DPF3: variants seen among roughly 807,000 people sequenced by gnomAD.
DPF3 encodes double PHD fingers 3.
Under a neutral mutation model 56.8 loss-of-function variants are expected in DPF3, and 18 were observed. The observed-to-expected ratio is 0.32, with a 90% CI of 0.22 to 0.47. The LOEUF (loss-of-function observed/expected upper bound fraction) is 0.47, where lower values mean the gene tolerates loss of function less well. Among genes scored for constraint, DPF3 ranks in the 20% least tolerant of loss-of-function variants. The pLI is 1.00. For synonymous variants in DPF3, 188 were observed against 180.2 expected (o/e 1.04, Z -0.35); for missense variants, 403 against 488.8 (o/e 0.82, Z 1.65).
chr14:72,716,976 T>A (rs544766430), intron 5 of DPF3, among the ~76,000 whole-genome samples: 1 of 151,998 alleles, frequency 6.6e-6, no homozygotes. Flanking sequence ...CCCTAGTCCA[T>A]CCCAAGGGAC....
At position 72,828,677 on chromosome 14, in the gene DPF3, G is replaced by A. The variant is rs146147816; in HGVS notation, c.33-56784C>T. Among the ~76,000 whole-genome samples, 840 of 152,242 alleles carry A rather than the reference G, an allele frequency of 5.5e-3. 5 individuals carry two copies. Among genetic ancestry groups the A allele is most frequent in the Non-Finnish European group, 8.8e-3 (599 of 68,002 alleles). On this transcript the variant is annotated intron_variant, in intron 1 of 10. Coordinates refer to ENST00000556509, the MANE Select transcript of DPF3 (RefSeq NM_001280542.3). ...AGACCATGGGGTGAGGAGCAATGAA[G>A]GGCAAAGGCTGAGAAAGACTGAAGA...
intron 1 of DPF3, among the ~76,000 whole-genome samples, chr14:72,813,001 A>T (rs1049473907): frequency 4.6e-5 from 7 of 152,156 alleles, no homozygotes; most frequent in African/African-American, 1.4e-4. Flanking sequence ...GACACACCGC[A>T]TCGCCTCTGG....
At chr14:72,848,411 C>T (rs149450776) in intron 1 of DPF3, among the ~76,000 whole-genome samples, 23 of 152,282 alleles carry the variant, frequency 1.5e-4, no homozygotes, top group East Asian at 5.8e-4. Context: ...GTGATCCGCC[C>T]GCCTTGGCCT....
intron 1 of DPF3, among the ~76,000 whole-genome samples, chr14:72,888,437 A>T (rs1354475413): frequency 1.3e-5 from 2 of 152,232 alleles, no homozygotes; most frequent in African/African-American, 4.8e-5. Context: ...AAACACCAGT[A>T]ACCGGACCAA....
intron 1 of DPF3, among the ~76,000 whole-genome samples, chr14:72,805,579 C>G (rs1484325164): frequency 6.6e-6 from 1 of 151,798 alleles, no homozygotes; most frequent in African/African-American, 2.4e-5. Context: ...GGCGCGGTGG[C>G]TCACACCTGT....
At chr14:72,710,802 T>G (rs2153575282) in intron 6 of DPF3, among the ~76,000 whole-genome samples, 1 of 152,370 alleles carries the variant, frequency 6.6e-6, no homozygotes, top group South Asian at 2.1e-4. Flanking sequence ...AAACAGAACT[T>G]TAACCCTTAA....
intron 1 of DPF3, among the ~76,000 whole-genome samples, chr14:72,835,088 TC>T (rs1265466654): frequency 1.0e-5 from 1 of 95,522 alleles, no homozygotes; most frequent in Non-Finnish European, 2.1e-5. Flanking sequence ...GTGCAGAATT[TC>T]TTTTTTCTTT....
At chr14:72,679,417 T>C (rs1027713742) in intron 7 of DPF3, 2 of 152,622 alleles carry the variant, frequency 1.3e-5, no homozygotes, top group African/African-American at 4.8e-5. Context: ...TGTGCACAAA[T>C]GCGCGGCCAC....
At chr14:72,735,887 T>C (rs1889872535) in intron 3 of DPF3, among the ~76,000 whole-genome samples, 1 of 152,230 alleles carries the variant, frequency 6.6e-6, no homozygotes, top group Non-Finnish European at 1.5e-5. Flanking sequence ...ACAAAAAAAC[T>C]AGTGTGATAA....
chr14:72,827,254 C>T (rs1883848027), intron 1 of DPF3, among the ~76,000 whole-genome samples: 1 of 151,846 alleles, frequency 6.6e-6, no homozygotes, highest in Non-Finnish European at 1.5e-5. Flanking sequence ...AAACCAAGGC[C>T]CTCCTCCCTC....
intron 8 of DPF3, among the ~76,000 whole-genome samples, chr14:72,647,859 G>T (rs1297399520): frequency 6.6e-6 from 1 of 152,154 alleles, no homozygotes; most frequent in East Asian, 1.9e-4. Context: ...TTTATTGAGG[G>T]CAGTGAGGCA....
intron 3 of DPF3, among the ~76,000 whole-genome samples, chr14:72,747,130 C>T (rs867659298): frequency 2.5e-4 from 38 of 152,240 alleles, no homozygotes; most frequent in Non-Finnish European, 8.8e-5. Flanking sequence ...GCTCTGTCCA[C>T]AGTCTGATTT....
intron 1 of DPF3, among the ~76,000 whole-genome samples, chr14:72,836,743 C>T (rs993715877): frequency 6.6e-6 from 1 of 152,054 alleles, no homozygotes; most frequent in Non-Finnish European, 1.5e-5. Context: ...CTCTCTCAAG[C>T]TGGTCAATCT....
intron 6 of DPF3, among the ~76,000 whole-genome samples, chr14:72,705,953 G>A (rs974585038): frequency 2.6e-5 from 4 of 152,166 alleles, no homozygotes; most frequent in Non-Finnish European, 1.5e-5. Context: ...AAAAAAGAGA[G>A]AGAGAGAGAT....
chr14:72,693,277 A>T, intron 6 of DPF3, 64 bp from the exon 7 acceptor site: 1 of 1,548,976 alleles, frequency 6.5e-7, no homozygotes, highest in Non-Finnish European at 8.8e-7. Context: ...AGCCACCGCT[A>T]TCATTCTCCC....
intron 1 of DPF3, among the ~76,000 whole-genome samples, chr14:72,795,870 ACT>A (rs1461934415): frequency 6.6e-6 from 1 of 152,112 alleles, no homozygotes; most frequent in Non-Finnish European, 1.5e-5. Flanking sequence ...TCTTCCACAA[ACT>A]CAGGCCCCAT....
At chr14:72,658,836 G>A (rs907945470) in intron 8 of DPF3, among the ~76,000 whole-genome samples, 1 of 152,284 alleles carries the variant, frequency 6.6e-6, no homozygotes, top group East Asian at 1.9e-4. Flanking sequence ...ACCCAGACTG[G>A]CAGCCCTTGG....
At chr14:72,879,221 T>C (rs1255042997) in intron 1 of DPF3, among the ~76,000 whole-genome samples, 1 of 151,912 alleles carries the variant, frequency 6.6e-6, no homozygotes, top group East Asian at 1.9e-4. Flanking sequence ...CCATCTCTAC[T>C]AAAAATACAA....
chr14:72,825,346 A>G (rs558084990), intron 1 of DPF3, among the ~76,000 whole-genome samples: 1 of 152,356 alleles, frequency 6.6e-6, no homozygotes, highest in East Asian at 1.9e-4. Flanking sequence ...ATACAGACCC[A>G]CAAGGAGCAA....
Sources: allele counts gnomAD v4.1 joint callset (sites outside exome capture counted in the v4.1 genomes callset), GRCh38; gene constraint gnomAD v4.1.1; transcripts MANE v1.5; gene names NCBI Gene and HGNC (gene_info 2026-07-23, HGNC 2026-07-21).